FOXP1: variants seen among roughly 807,000 people sequenced by gnomAD.
FOXP1 encodes forkhead box P1.
FOXP1 carries 15 observed loss-of-function variants against 98.2 expected under a neutral mutation model. The ratio of observed to expected loss-of-function variants is 0.15; its 90% CI spans 0.10 to 0.24. FOXP1 has a LOEUF of 0.24. Among genes scored for constraint, FOXP1 ranks in the 10% least tolerant of loss-of-function variants. The pLI is 1.00. For synonymous variants in FOXP1, 371 were observed against 314.5 expected (o/e 1.18, Z -1.90); for missense variants, 633 against 848.5 (o/e 0.75, Z 3.15).
chr3:71,170,530 C>A (rs1188102411), intron 6 of FOXP1, among the ~76,000 whole-genome samples: 1 of 152,224 alleles, frequency 6.6e-6, no homozygotes, highest in Non-Finnish European at 1.5e-5. Flanking sequence ...AAAATACCCA[C>A]TGGTATCATA....
chr3:71,426,063 T>C (rs188728325), intron 3 of FOXP1, among the ~76,000 whole-genome samples: 33 of 152,342 alleles, frequency 2.2e-4, no homozygotes, highest in African/African-American at 7.7e-4. Flanking sequence ...CCTCTCATCA[T>C]GCCAGCTCTG....
chr3:71,178,155 T>A (rs9310210), intron 6 of FOXP1, among the ~76,000 whole-genome samples: 61,437 of 144,512 alleles, frequency 0.43, 13,428 homozygotes, highest in Middle Eastern at 0.57. Flanking sequence ...TTTTTTTTTT[T>A]GAGAGAGTCT....
At position 71,318,655 on chromosome 3, in the gene FOXP1, C is replaced by T. The variant is rs557521022; in HGVS notation, c.-72-18775G>A. Among the ~76,000 whole-genome samples, 5 of 150,912 alleles carry T rather than the reference C, an allele frequency of 3.3e-5. No homozygotes were observed. The South Asian group carries it at 1.1e-3, about 33-fold the overall frequency. ...TTTTTCACTATTTAGACGTGGGCTG[C>T]TGTTGAATGTCAGGAGAAGCTGGCT... On this transcript the variant is annotated intron_variant, in intron 4 of 20. Coordinates refer to ENST00000649528, the MANE Select transcript of FOXP1 (RefSeq NM_001349338.3).
intron 2 of FOXP1, among the ~76,000 whole-genome samples, chr3:71,503,612 A>C (rs2041579990): frequency 1.3e-5 from 2 of 151,684 alleles, no homozygotes; most frequent in South Asian, 4.2e-4. Context: ...AAAAAAAAAA[A>C]AAAAAAAAAC....
In FOXP1 at chr3:70,999,300, G is replaced by A. The variant is rs183541604; in HGVS notation, c.1062+1672C>T. On this transcript the variant is annotated intron_variant, in intron 13 of 20. Transcript: ENST00000649528. ...AGACGGGGTTTCACCATATTGGCCA[G>A]GCTGGTCTCGAACTCCTGACCTTGT... Among the ~76,000 whole-genome samples, 43 of 152,240 alleles carry A rather than the reference G, an allele frequency of 2.8e-4. No individual in the cohort carries two copies. The East Asian group carries it at 7.1e-3, about 25-fold the overall frequency.
intron 3 of FOXP1, among the ~76,000 whole-genome samples, chr3:71,410,384 A>T (rs1295913437): frequency 6.6e-6 from 1 of 152,196 alleles, no homozygotes; most frequent in African/African-American, 2.4e-5. Flanking sequence ...CAACATTTAC[A>T]AATTTCAGGT....
At chr3:71,423,964 A>G (rs1195013393) in intron 3 of FOXP1, among the ~76,000 whole-genome samples, 1 of 152,174 alleles carries the variant, frequency 6.6e-6, no homozygotes, top group Non-Finnish European at 1.5e-5. Context: ...TTTTATGTAC[A>G]TATTTATTTT....
At chr3:71,351,620 C>T (rs945011682) in intron 4 of FOXP1, among the ~76,000 whole-genome samples, 1 of 152,176 alleles carries the variant, frequency 6.6e-6, no homozygotes, top group African/African-American at 2.4e-5. Flanking sequence ...ACCCCAGATT[C>T]ACCCTGGTAA....
At chr3:71,399,454 A>T (rs2081798197) in intron 3 of FOXP1, among the ~76,000 whole-genome samples, 1 of 152,242 alleles carries the variant, frequency 6.6e-6, no homozygotes, top group Non-Finnish European at 1.5e-5. Flanking sequence ...AAGAAATTCA[A>T]GCAAGTTTCA....
At chr3:71,476,555 A>G (rs2089862473) in intron 3 of FOXP1, among the ~76,000 whole-genome samples, 1 of 151,878 alleles carries the variant, frequency 6.6e-6, no homozygotes, top group Non-Finnish European at 1.5e-5. Flanking sequence ...CAATGGCGCG[A>G]TCTCAGCTCA....
chr3:71,312,169 T>C (rs560674403), intron 4 of FOXP1, among the ~76,000 whole-genome samples: 1 of 152,266 alleles, frequency 6.6e-6, no homozygotes, highest in East Asian at 1.9e-4. Flanking sequence ...GGTGTACGCA[T>C]ATGCTGCTTC....
At chr3:71,352,470 C>CAAA (rs34693899) in intron 4 of FOXP1, among the ~76,000 whole-genome samples, 1,023 of 64,804 alleles carry the variant, frequency 0.016, 49 homozygotes, top group African/African-American at 0.028. Flanking sequence ...GACTCCATCT[C>CAAA]AAAAAAAAAA....
intron 2 of FOXP1, among the ~76,000 whole-genome samples, chr3:71,577,072 CG>C (rs2047777996): frequency 6.6e-6 from 1 of 152,104 alleles, no homozygotes; most frequent in African/African-American, 2.4e-5. Flanking sequence ...ACAGTGCGTG[CG>C]AAGAACACAG....
At chr3:71,198,698 T>A (rs139113330) in intron 5 of FOXP1, among the ~76,000 whole-genome samples, 3 of 152,028 alleles carry the variant, frequency 2.0e-5, no homozygotes, top group Non-Finnish European at 4.4e-5. Flanking sequence ...TTTTCTTTTT[T>A]CTTTTTTTTT....
chr3:71,475,561 G>A (rs1371582346), intron 3 of FOXP1, among the ~76,000 whole-genome samples: 2 of 152,056 alleles, frequency 1.3e-5, no homozygotes, highest in Non-Finnish European at 2.9e-5. Flanking sequence ...TGTAAAAATG[G>A]GCCAGGCGCA....
rs375740922 is a variant in FOXP1, at chr3:71,005,091, T to A, written c.975-4032A>T. On this transcript the variant is annotated intron_variant, in intron 12 of 20. Coordinates refer to ENST00000649528, the MANE Select transcript of FOXP1 (RefSeq NM_001349338.3). Reference sequence around the variant, plus strand: ...AAATACAGCTATAAAAACAACAGGCTACTATAAATATAGATTGTTTGGTAG... The same window carrying A: ...AAATACAGCTATAAAAACAACAGGCAACTATAAATATAGATTGTTTGGTAG... Among the ~76,000 whole-genome samples the A allele has an allele frequency of 5.9e-5, 9 of 152,086 alleles. No homozygotes were observed. In the South Asian group the frequency reaches 1.9e-3, roughly 32 times the overall value.
At chr3:71,560,746 C>T (rs1490196553) in intron 2 of FOXP1, among the ~76,000 whole-genome samples, 1 of 152,098 alleles carries the variant, frequency 6.6e-6, no homozygotes, top group Non-Finnish European at 1.5e-5. Flanking sequence ...AGTACTGATT[C>T]GTGTTACAAC....
intron 3 of FOXP1, among the ~76,000 whole-genome samples, chr3:71,380,698 A>ATTTTTTT (rs11395817): frequency 1.0e-5 from 1 of 100,264 alleles, no homozygotes. Flanking sequence ...CTTTTTAGAC[A>ATTTTTTT]TTTTTTTTTT....
chr3:70,967,405 C>T (rs372487935), intron 19 of FOXP1, among the ~76,000 whole-genome samples: 85 of 152,092 alleles, frequency 5.6e-4, no homozygotes, highest in African/African-American at 1.9e-3. Context: ...TTTCAAAGCT[C>T]GGCCCTATGT....
Sources: allele counts gnomAD v4.1 joint callset (sites outside exome capture counted in the v4.1 genomes callset), GRCh38; gene constraint gnomAD v4.1.1; transcripts MANE v1.5; gene names NCBI Gene and HGNC (gene_info 2026-07-23, HGNC 2026-07-21).